Variants in CDH13 observed in about 807,000 individuals in gnomAD.
The protein encoded by CDH13 is cadherin 13.
Under a neutral mutation model 63.8 loss-of-function variants are expected in CDH13, and 24 were observed. The ratio of observed to expected loss-of-function variants is 0.38; its 90% confidence interval spans 0.27 to 0.53. CDH13 has a LOEUF of 0.53. CDH13 is among the 20% of genes least tolerant of loss of function. CDH13 has a pLI of 0.85. For missense variants in CDH13, 1,049 were observed against 903.1 expected (o/e 1.16, Z -2.07); for synonymous variants, 503 against 355.3 (o/e 1.42, Z -4.67).
chr16:82,910,543 G>A lies in CDH13; in HGVS notation c.157+52070G>A, dbSNP rs1008128187. On this transcript the variant is annotated intron_variant, in intron 2 of 13. Transcript: ENST00000567109. ...CTCCCTGGAGTCAACCGATTCCCTTGCCCAAGCCTCTGGTGTTAGTGATTG... is the reference window on the plus strand; with the variant it reads ...CTCCCTGGAGTCAACCGATTCCCTTACCCAAGCCTCTGGTGTTAGTGATTG... Among the ~76,000 whole-genome samples the A allele has an allele frequency of 2.0e-5, 3 of 151,916 alleles. No individual in the cohort carries two copies. The East Asian group carries it at 5.8e-4, about 29-fold the overall frequency.
chr16:83,318,042 C>G (rs1325838917), intron 5 of CDH13, among the ~76,000 whole-genome samples: 1 of 152,134 alleles, frequency 6.6e-6, no homozygotes, highest in Admixed American at 6.6e-5. Flanking sequence ...TGTAGTCAGC[C>G]TCAGTTTTCC....
At chr16:82,643,163 C>G (rs766319293) in intron 1 of CDH13, among the ~76,000 whole-genome samples, 28 of 152,140 alleles carry the variant, frequency 1.8e-4, no homozygotes, top group Non-Finnish European at 2.9e-4. Context: ...TAAATAAACC[C>G]CAAACCTGGG....
chr16:82,658,136 G>T (rs1911512659), intron 1 of CDH13, among the ~76,000 whole-genome samples: 1 of 152,148 alleles, frequency 6.6e-6, no homozygotes, highest in Admixed American at 6.6e-5. Context: ...TTTGCCAAGT[G>T]CTTTTTCTGC....
At chr16:82,950,483 G>T (rs187671265) in intron 2 of CDH13, among the ~76,000 whole-genome samples, 1 of 152,138 alleles carries the variant, frequency 6.6e-6, no homozygotes, top group South Asian at 2.1e-4. Flanking sequence ...TCTTGTGGTA[G>T]TGAGTAAGTC....
Position 83,033,611 on chromosome 16 carries a change from C to G in CDH13, c.366+1393C>G, listed in dbSNP as rs529943095. On this transcript the variant is annotated intron_variant, in intron 3 of 13. Coordinates refer to ENST00000567109, the MANE Select transcript of CDH13 (RefSeq NM_001257.5). ...GCTTCTCGTTTGCCAGGCAGCAGTG[C>G]TTGTTCCCTTCCACAGGCACATGCA... Among the ~76,000 whole-genome samples the G allele has an allele frequency of 2.0e-5, 3 of 152,288 alleles. No homozygotes were observed. The South Asian group carries it at 6.2e-4, about 32-fold the overall frequency.
chr16:82,816,789 C>A (rs1198603678), intron 1 of CDH13, among the ~76,000 whole-genome samples: 1 of 137,182 alleles, frequency 7.3e-6, no homozygotes, highest in African/African-American at 2.8e-5. Context: ...ATCACTACCA[C>A]CTGCTAGAAA....
At chr16:83,211,162 A>G (rs942884804) in intron 4 of CDH13, among the ~76,000 whole-genome samples, 2 of 152,010 alleles carry the variant, frequency 1.3e-5, no homozygotes, top group African/African-American at 4.8e-5. Flanking sequence ...AAAAAAAAAA[A>G]AGGTACTAGA....
chr16:83,647,825 C>T (rs1911978164), intron 8 of CDH13, among the ~76,000 whole-genome samples: 1 of 152,102 alleles, frequency 6.6e-6, no homozygotes, highest in Non-Finnish European at 1.5e-5. Context: ...CAGGAGTCTC[C>T]TTGACTGGTC....
chr16:83,634,135 A>ATG (rs35109001), intron 8 of CDH13, among the ~76,000 whole-genome samples: 210 of 104,394 alleles, frequency 2.0e-3, no homozygotes, highest in African/African-American at 7.5e-3. Context: ...GTGTGTGTGT[A>ATG]TGTGTGTGTG....
At chr16:83,549,577 C>T (rs1008990986) in intron 7 of CDH13, among the ~76,000 whole-genome samples, 2 of 151,780 alleles carry the variant, frequency 1.3e-5, no homozygotes, top group Non-Finnish European at 2.9e-5. Context: ...ATAGAGCACT[C>T]CCTAACCCCA....
chr16:82,856,475 G>C (rs867439032), intron 1 of CDH13, among the ~76,000 whole-genome samples: 1 of 151,382 alleles, frequency 6.6e-6, no homozygotes, highest in African/African-American at 2.4e-5. Flanking sequence ...GTCGAGGTGG[G>C]TGGATCACTT....
rs143050111 is a variant in CDH13 at position 83,603,998 on chromosome 16, G to C, written c.1101+1404G>C. ...CTCATGAGAATTTTATCATGAGACA[G>C]CACTAGGGGGGTGGGTGCTAAACTA... On this transcript the variant is annotated intron_variant, in intron 8 of 13. Coordinates refer to ENST00000567109, the MANE Select transcript of CDH13 (RefSeq NM_001257.5). 4.0e-3 allele frequency among the ~76,000 whole-genome samples: 603 copies of C among 152,190 alleles called. 7 individuals are homozygous for C. Among genetic ancestry groups the C allele is most frequent in the African/African-American group, 0.014 (564 of 41,510 alleles).
intron 2 of CDH13, among the ~76,000 whole-genome samples, chr16:82,931,931 C>A (rs2042508917): frequency 6.6e-6 from 1 of 152,162 alleles, no homozygotes; most frequent in African/African-American, 2.4e-5. Context: ...TTACAAGTTC[C>A]ATGTCTAGTA....
At chr16:83,090,867 C>T (rs1004241303) in intron 3 of CDH13, among the ~76,000 whole-genome samples, 2 of 148,674 alleles carry the variant, frequency 1.3e-5, no homozygotes, top group Non-Finnish European at 3.0e-5. Context: ...GGTGTGAAAT[C>T]TGTAACAGCA....
chr16:83,319,663 C>A (rs769432896), intron 5 of CDH13, among the ~76,000 whole-genome samples: 2 of 152,084 alleles, frequency 1.3e-5, no homozygotes, highest in Non-Finnish European at 2.9e-5. Context: ...TAGCGAGTTT[C>A]ATAAAACATC....
intron 4 of CDH13, among the ~76,000 whole-genome samples, chr16:83,143,873 A>C (rs1250284278): frequency 6.6e-6 from 1 of 151,970 alleles, no homozygotes; most frequent in Non-Finnish European, 1.5e-5. Context: ...TGCTGCTTTG[A>C]AGTTGATGTC....
chr16:83,778,840 G>C (rs1334623530), intron 11 of CDH13, among the ~76,000 whole-genome samples: 1 of 152,142 alleles, frequency 6.6e-6, no homozygotes, highest in Non-Finnish European at 1.5e-5. Flanking sequence ...AAATGTCTTG[G>C]ATTTAATCTT....
intron 1 of CDH13, among the ~76,000 whole-genome samples, chr16:82,718,555 G>C (rs537664350): frequency 5.9e-5 from 9 of 152,302 alleles, no homozygotes; most frequent in Admixed American, 4.6e-4. Context: ...TGTTGTATTA[G>C]TCCATTTTCA....
At chr16:83,496,697 A>C (rs1196242449) in intron 7 of CDH13, among the ~76,000 whole-genome samples, 1 of 152,244 alleles carries the variant, frequency 6.6e-6, no homozygotes, top group African/African-American at 2.4e-5. Context: ...TGCACAGCAA[A>C]AGAAACTACC....
Sources: gnomAD v4.1 joint callset for allele counts (sites outside exome capture counted in the v4.1 genomes callset) on GRCh38, gnomAD v4.1.1 for gene constraint, MANE v1.5 for transcripts, NCBI Gene and HGNC (gene_info 2026-07-23, HGNC 2026-07-21) for gene names.